ACAP3: variants seen among roughly 807,000 people sequenced by gnomAD.
ACAP3 encodes the protein ArfGAP with coiled-coil, ankyrin repeat and PH domains 3.
Under a neutral mutation model 104.1 loss-of-function variants are expected in ACAP3, and 56 were observed. The ratio of observed to expected loss-of-function variants is 0.54; its 90% CI spans 0.43 to 0.67. The LOEUF (loss-of-function observed/expected upper bound fraction) is 0.67, where lower values mean the gene tolerates loss of function less well. Among genes scored for constraint, ACAP3 ranks in the 30% least tolerant of loss-of-function variants. The probability of loss-of-function intolerance (pLI) is 0.00; values close to 1 mark genes in which losing one functional copy is unlikely to be tolerated. For synonymous variants in ACAP3, 628 were observed against 496.2 expected, an observed-to-expected ratio of 1.27 and a Z score of -3.53; for missense variants, 1,208 against 1,174.9, an observed-to-expected ratio of 1.03 and a Z score of -0.41.
chr1:1,299,077 G>A (rs12138318), intron 10 of ACAP3: 56 of 573,364 alleles, frequency 9.8e-5, no homozygotes, highest in African/African-American at 9.7e-4. Context: ...TGTGTGTCCC[G>A]CCATCTGGCA....
In ACAP3 at chr1:1,307,114, C is replaced by T. The variant is rs890477371; in HGVS notation, c.47+655G>A. On this transcript the variant is annotated intron_variant, in intron 1 of 23. Coordinates refer to ENST00000354700, the MANE Select transcript of ACAP3 (RefSeq NM_030649.3). ...TTTCTTTGCCTCCATTGTCGTTTGC[C>T]AAATGTCCACCAAGCAAAGCCGATG... 3 of 1,197,676 alleles carry T rather than the reference C, an allele frequency of 2.5e-6. No homozygotes were observed. The African/African-American group carries it at 4.7e-5, about 19-fold the overall frequency. The allele number at this position is 1,197,676 out of a possible 1,614,324, so 74.2% of individuals were successfully genotyped here. A position where few individuals can be genotyped will look rare whatever the true frequency, so the allele number is the denominator to read the frequency against.
chr1:1,293,767 G>A lies in ACAP3; in HGVS notation c.2360+56C>T, dbSNP rs1640960951. 2.2e-6 allele frequency: 3 copies of A among 1,386,398 alleles called. No homozygotes were observed. In the Admixed American group the frequency reaches 6.8e-5, roughly 31 times the overall value. 85.9% of individuals were successfully genotyped at this position (1,386,398 alleles called of 1,614,324 possible). A position where few individuals can be genotyped will look rare whatever the true frequency, so the allele number is the denominator to read the frequency against. ...CTGGAGGCCCCGCCCCTGCCCTGGA[G>A]GCCCCGCCCCTGCCCTGGAGGCCCC... On this transcript the variant is annotated intron_variant, in intron 23 of 23. Coordinates refer to ENST00000354700, the MANE Select transcript of ACAP3 (RefSeq NM_030649.3).
chr1:1,295,357 C>A, intron 19 of ACAP3, 90 bp downstream of exon 19: 1 of 1,261,412 alleles, frequency 7.9e-7, no homozygotes, highest in Non-Finnish European at 1.1e-6. Flanking sequence ...CTGCTCCATT[C>A]CCTGGCAAGG....
intron 19 of ACAP3, 42 bp downstream of exon 19, chr1:1,295,405 T>C: frequency 6.3e-7 from 1 of 1,578,366 alleles, no homozygotes; most frequent in Non-Finnish European, 8.7e-7. Context: ...CCAGCCTCCT[T>C]GGCCCTGCCC....
chr1:1,301,882 TG>T, intron 5 of ACAP3, 105 bp downstream of exon 5: 1 of 1,127,046 alleles, frequency 8.9e-7, no homozygotes, highest in Non-Finnish European at 1.2e-6. Flanking sequence ...CTGCACAGCC[TG>T]GAGGCCTGGG....
Position 1,293,922 on chromosome 1 carries a change from A to T in ACAP3, c.2261T>A (p.Leu754Gln). 6.4e-7 allele frequency: 1 copy of T among 1,573,504 alleles called. No individual in the cohort carries two copies. The highest frequency in any genetic ancestry group is 8.6e-7 in the Non-Finnish European group (1 of 1,162,426). Residue 754 changes from leucine to glutamine, a missense_variant, in exon 23 of 24, where the codon CTG (leucine) becomes CAG (glutamine). Physicochemically the swap from Leu to Gln is moderately radical, Grantham distance 113 (BLOSUM62 -2). Transcript: ENST00000354700. ...CTGGTCCGCGCCCCGCTTCAGGAAC[A>T]GGCAAACCTGGCTGAGGGGCGAGGT... ...TLLGRTGQVC[L>Q]FLKRGADQHA... is the part of the protein sequence containing the mutation.
rs1641520995 is a variant in ACAP3 at position 1,303,064 on chromosome 1, A to G, written c.226-89T>C. The G allele has an allele frequency of 1.9e-6, 3 of 1,551,802 alleles. No individual in the cohort carries two copies. The South Asian group carries it at 3.6e-5, about 18-fold the overall frequency. Reference sequence around the variant, plus strand: ...CCCTCTGAGCCCCTGGGCGGTGCAGACACCGGCCTGCTTCTGGCCTGGACG... The same window carrying G: ...CCCTCTGAGCCCCTGGGCGGTGCAGGCACCGGCCTGCTTCTGGCCTGGACG... On this transcript the variant is annotated intron_variant, in intron 3 of 23. Transcript: ENST00000354700. This position sits in a 1 kb window ranked among gnomAD's most constrained non-coding sequence, Gnocchi z 4.0.
rs766561058 is a variant in ACAP3, at chr1:1,294,212, G to A, written c.2140-13C>T. On this transcript the variant is annotated splice_polypyrimidine_tract_variant and intron_variant, in intron 21 of 23. Coordinates refer to ENST00000354700, the MANE Select transcript of ACAP3 (RefSeq NM_030649.3). The stretch of plus-strand genomic sequence containing the variant: ...CGATCAAGGAGCCCTGGGGAGCCGG[G>A]GCAACTCAGACGGAGCCACGGCACC... 38 of 1,571,506 alleles carry A rather than the reference G, an allele frequency of 2.4e-5. No homozygotes were observed. The highest frequency in any genetic ancestry group is 3.5e-5 in the South Asian group (3 of 86,390).
At chr1:1,302,754 G>A (rs1228292443) in intron 4 of ACAP3, among the ~76,000 whole-genome samples, 168 bp downstream of exon 4, 6 of 146,680 alleles carry the variant, frequency 4.1e-5, no homozygotes, top group Non-Finnish European at 9.0e-5. Context: ...AGAGCCCCCA[G>A]GGCTGTCCCC....
rs1306226275 is a variant in ACAP3, at chr1:1,297,158, T to TGC, written c.1129-527_1129-526dup. ...CCATCCCCAGTGGCACGTGTGTGTG[T>TGC]GCACAGGCGCGGGGCAGGGGCCATC... On this transcript the variant is annotated intron_variant, in intron 14 of 23. Transcript: ENST00000354700. Among the ~76,000 whole-genome samples, 6 of 137,042 alleles carry TGC rather than the reference T, an allele frequency of 4.4e-5. 1 individual carries two copies. Among genetic ancestry groups the TGC allele is most frequent in the Admixed American group, 2.1e-4 (3 of 14,300 alleles). 89.9% of individuals were successfully genotyped at this position (137,042 alleles called of 152,430 possible).
intron 1 of ACAP3, chr1:1,307,512 G>A (rs1004482448): frequency 1.7e-6 from 2 of 1,195,846 alleles, no homozygotes. Context: ...GAGCGGGGGC[G>A]GACGGTCCCG....
intron 17 of ACAP3, 27 bp downstream of exon 17, chr1:1,295,984 CCTGA>C (rs1477019378): frequency 6.2e-7 from 1 of 1,612,624 alleles, no homozygotes; most frequent in Non-Finnish European, 8.5e-7. Flanking sequence ...GCTGGGGCTC[CCTGA>C]CTGATCCAGA....
chr1:1,303,421 G>A lies in ACAP3; in HGVS notation c.106-140C>T. 1.8e-6 allele frequency: 2 copies of A among 1,091,982 alleles called. No homozygotes were observed. The highest frequency in any genetic ancestry group is 1.6e-5 in the South Asian group (1 of 64,502). The allele number at this position is 1,091,982 out of a possible 1,614,324, so 67.6% of individuals were successfully genotyped here. A position where few individuals can be genotyped will look rare whatever the true frequency, so the allele number is the denominator to read the frequency against. ...GGCACTCAGGACTCAGTGCCCCGGT[G>A]CAGCTTCCTCACGCCTGGGCCTGCC... On this transcript the variant is annotated intron_variant, in intron 2 of 23. Transcript: ENST00000354700. The surrounding 1 kb of genome is among the most constrained non-coding windows in gnomAD (Gnocchi z 4.0).
In ACAP3 at chr1:1,294,080, C is replaced by T; in HGVS notation, c.2249+10G>A. 3 of 1,556,556 alleles carry T rather than the reference C, an allele frequency of 1.9e-6. No individual in the cohort carries two copies. Among genetic ancestry groups the T allele is most frequent in the South Asian group, 1.2e-5 (1 of 85,370 alleles). The stretch of plus-strand genomic sequence containing the variant: ...GGGGCACAGGGCGGGGCGTGGGTTG[C>T]GCGTCTCACCCGGTGCGGCCCAGCA... On this transcript the variant is annotated intron_variant, in intron 22 of 23. Transcript: ENST00000354700.
chr1:1,296,707 C>G, intron 14 of ACAP3, 74 bp from the exon 15 acceptor site: 1 of 1,460,250 alleles, frequency 6.8e-7, no homozygotes, highest in Non-Finnish European at 9.2e-7. Context: ...CCCTCCTCCC[C>G]AGCCAGAAGA....
chr1:1,296,080 C>T lies in ACAP3; in HGVS notation c.1437G>A (p.Val479=). Residue 479 remains valine (V), a synonymous_variant, in exon 17 of 24, where the codon GTG becomes GTA. Transcript: ENST00000354700. ...CACACTGGGCCTCATAGATCTGATT[C>T]ACAGCGCTGTTTCCAAGCTCACACA... The part of the protein sequence containing the change: ...KLMCELGNSA[V]NQIYEAQCEG... The T allele has an allele frequency of 1.2e-6, 2 of 1,612,788 alleles. No homozygotes were observed. The highest frequency in any genetic ancestry group is 1.7e-6 in the Non-Finnish European group (2 of 1,179,974).
intron 5 of ACAP3, 48 bp downstream of exon 5, chr1:1,301,940 A>G (rs1318472612): frequency 1.0e-5 from 15 of 1,492,538 alleles, no homozygotes; most frequent in Non-Finnish European, 1.3e-5. Context: ...CCTCCAAGGG[A>G]GGGAGCGTGG....
Position 1,303,735 on chromosome 1 carries a change from C to T in ACAP3, c.105+351G>A, listed in dbSNP as rs1035163540. ...GGCTCCCCCCTCCACGGCCTGTTGC[C>T]CCCTCCCCTTTCTCAGCCCCAGCCC... On this transcript the variant is annotated intron_variant, in intron 2 of 23. Coordinates refer to ENST00000354700, the MANE Select transcript of ACAP3 (RefSeq NM_030649.3). This position sits in a 1 kb window ranked among gnomAD's most constrained non-coding sequence, Gnocchi z 4.0. 2.0e-5 allele frequency: 9 copies of T among 447,618 alleles called. No individual in the cohort carries two copies. Among genetic ancestry groups the T allele is most frequent in the African/African-American group, 1.6e-4 (8 of 49,526 alleles). The allele number at this position is 447,618 out of a possible 1,614,324, so 27.7% of individuals were successfully genotyped here.
intron 14 of ACAP3, among the ~76,000 whole-genome samples, chr1:1,296,881 A>T (rs1158399676): frequency 6.6e-6 from 1 of 151,890 alleles, no homozygotes; most frequent in Non-Finnish European, 1.5e-5. Flanking sequence ...CCGCACACGC[A>T]CGTACGTGTG....
Sources: allele counts gnomAD v4.1 joint callset (sites outside exome capture counted in the v4.1 genomes callset), GRCh38; gene constraint gnomAD v4.1.1; non-coding constraint Gnocchi (gnomAD v3.1); transcripts MANE v1.5; gene names NCBI Gene and HGNC (gene_info 2026-07-23, HGNC 2026-07-21).